RNF216: variants seen among roughly 807,000 people sequenced by gnomAD.
RNF216 encodes the protein E3 ubiquitin-protein ligase RNF216.
In RNF216, 72 loss-of-function variants were observed where a neutral mutation model predicts 110.8. The observed-to-expected ratio is 0.65, with a 90% confidence interval of 0.54 to 0.79. RNF216 has a LOEUF of 0.79. Among genes scored for constraint, RNF216 ranks in the 30% least tolerant of loss-of-function variants. The pLI is 0.00. For synonymous variants in RNF216, 495 were observed against 407.5 expected, an observed-to-expected ratio of 1.21 and a Z score of -2.59; for missense variants, 1,342 against 1,141.2, an observed-to-expected ratio of 1.18 and a Z score of -2.54.
At chr7:5,755,479 C>A (rs1253246541) in intron 2 of RNF216, among the ~76,000 whole-genome samples, 1 of 152,202 alleles carries the variant, frequency 6.6e-6, no homozygotes, top group Non-Finnish European at 1.5e-5. Context: ...ATATTTCTAG[C>A]ACATTAGTAG....
chr7:5,651,041 G>C (rs1351287125), intron 14 of RNF216, among the ~76,000 whole-genome samples: 2 of 152,136 alleles, frequency 1.3e-5, no homozygotes, highest in African/African-American at 2.4e-5. Flanking sequence ...AATGCGATAC[G>C]AGCGGAAGTG....
At chr7:5,648,102 A>C (rs1046243408) in intron 14 of RNF216, among the ~76,000 whole-genome samples, 12 of 147,928 alleles carry the variant, frequency 8.1e-5, no homozygotes, top group African/African-American at 2.9e-4. Flanking sequence ...TCAAGCCTTT[A>C]GCTCTATTTT....
chr7:5,753,949 C>T (rs1322666612), intron 2 of RNF216, among the ~76,000 whole-genome samples: 3 of 151,928 alleles, frequency 2.0e-5, no homozygotes, highest in Non-Finnish European at 4.4e-5. Context: ...GAGCTGAGAT[C>T]GCAACACTGC....
At chr7:5,627,640 G>T (rs1786793597) in intron 15 of RNF216, among the ~76,000 whole-genome samples, 1 of 152,078 alleles carries the variant, frequency 6.6e-6, no homozygotes, top group Non-Finnish European at 1.5e-5. Context: ...CCAGCTACTC[G>T]GGAGGCTGAG....
chr7:5,706,493 T>C (rs898883450), intron 13 of RNF216, among the ~76,000 whole-genome samples: 2 of 152,246 alleles, frequency 1.3e-5, no homozygotes, highest in African/African-American at 4.8e-5. Context: ...TGTCCTTCTA[T>C]GACTGGCTAA....
At chr7:5,688,305 C>G (rs1791112796) in intron 13 of RNF216, among the ~76,000 whole-genome samples, 1 of 152,264 alleles carries the variant, frequency 6.6e-6, no homozygotes, top group South Asian at 2.1e-4. Flanking sequence ...CATAAAAAAA[C>G]AGACTCACAT....
chr7:5,718,342 C>A (rs958440767), intron 9 of RNF216, among the ~76,000 whole-genome samples: 10 of 152,168 alleles, frequency 6.6e-5, no homozygotes, highest in African/African-American at 2.4e-4. Context: ...GATCCTGCCA[C>A]TGCACTCCAG....
chr7:5,713,943 G>C (rs1584497232), intron 11 of RNF216, among the ~76,000 whole-genome samples: 1 of 152,164 alleles, frequency 6.6e-6, no homozygotes, highest in Admixed American at 6.5e-5. Context: ...GCTGATGGGG[G>C]CATGGCCCAA....
chr7:5,770,152 G>T (rs1026836397), intron 1 of RNF216, among the ~76,000 whole-genome samples: 10 of 150,342 alleles, frequency 6.7e-5, no homozygotes, highest in Admixed American at 1.3e-4. Context: ...TTTAAGGCCA[G>T]CGAAACCCCA....
chr7:5,736,604 C>G (rs1794422944), intron 5 of RNF216, among the ~76,000 whole-genome samples: 1 of 151,966 alleles, frequency 6.6e-6, no homozygotes, highest in Non-Finnish European at 1.5e-5. Context: ...TGAGGAGCCC[C>G]TCTGCCCGGC....
At chr7:5,629,121 GC>G (rs1421207422) in intron 15 of RNF216, among the ~76,000 whole-genome samples, 1 of 151,396 alleles carries the variant, frequency 6.6e-6, no homozygotes, top group Non-Finnish European at 1.5e-5. Flanking sequence ...GCTTGAAGCT[GC>G]AGGTGGAGAT....
At chr7:5,701,477 C>A (rs1430827799) in intron 13 of RNF216, among the ~76,000 whole-genome samples, 1 of 152,178 alleles carries the variant, frequency 6.6e-6, no homozygotes, top group Non-Finnish European at 1.5e-5. Flanking sequence ...GCTATTACTT[C>A]GTGACACAAA....
chr7:5,757,289 G>C (rs1299498312), intron 2 of RNF216, among the ~76,000 whole-genome samples: 7 of 152,078 alleles, frequency 4.6e-5, no homozygotes, highest in Non-Finnish European at 1.0e-4. Context: ...ATGTTACTAA[G>C]TATACAGGGA....
In RNF216 at chr7:5,696,435, C is replaced by A. The variant is rs1791634076; in HGVS notation, c.2061+15326G>T. Among the ~76,000 whole-genome samples the A allele has an allele frequency of 6.6e-6, 1 of 152,122 alleles. No individual in the cohort carries two copies. The highest frequency in any genetic ancestry group is 2.1e-4 in the South Asian group (1 of 4,824). ...CATGGTTTCCTCCTTATGTAAAGCA[C>A]CTGAGGACTAAAACAAATTCACTGG... On this transcript the variant is annotated intron_variant, in intron 13 of 16. Coordinates refer to ENST00000389902, the MANE Select transcript of RNF216 (RefSeq NM_207111.4). The surrounding 1 kb of genome is among the most constrained non-coding windows in gnomAD (Gnocchi z 5.4).
intron 2 of RNF216, among the ~76,000 whole-genome samples, chr7:5,756,616 TTTTTG>T (rs945153998): frequency 8.6e-5 from 13 of 152,034 alleles, no homozygotes; most frequent in African/African-American, 1.7e-4. Context: ...GCTGGGTTTG[TTTTTG>T]TTTTGTTTTT....
At chr7:5,734,056 GA>G (rs1794247885) in intron 5 of RNF216, among the ~76,000 whole-genome samples, 1 of 152,144 alleles carries the variant, frequency 6.6e-6, no homozygotes. Flanking sequence ...AAAAGCTTAG[GA>G]GGGGAAAAAA....
At chr7:5,728,999 C>A (rs1476497429) in intron 7 of RNF216, among the ~76,000 whole-genome samples, 1 of 152,188 alleles carries the variant, frequency 6.6e-6, no homozygotes, top group Admixed American at 6.5e-5. Context: ...ACGCTGGGAG[C>A]TGTCAGTAGC....
chr7:5,722,669 C>T (rs951851128), intron 8 of RNF216, among the ~76,000 whole-genome samples: 1 of 151,966 alleles, frequency 6.6e-6, no homozygotes, highest in Non-Finnish European at 1.5e-5. Flanking sequence ...GGATTACAGG[C>T]ATGAGCCACC....
At chr7:5,768,346 T>TACACACACAC (rs71004702) in intron 1 of RNF216, among the ~76,000 whole-genome samples, 3,467 of 71,886 alleles carry the variant, frequency 0.048, 346 homozygotes, top group East Asian at 0.082. Flanking sequence ...GGCAGGCAAA[T>TACACACACAC]ACACACACAC....
Sources: allele counts gnomAD v4.1 joint callset (sites outside exome capture counted in the v4.1 genomes callset), GRCh38; gene constraint gnomAD v4.1.1; non-coding constraint Gnocchi (gnomAD v3.1); transcripts MANE v1.5; gene names NCBI Gene and HGNC (gene_info 2026-07-23, HGNC 2026-07-21).